The following NOX3 variants were observed in gnomAD, a reference collection of about 807,000 sequenced individuals.
NOX3 encodes the protein NADPH oxidase catalytic subunit-like 3.
NOX3 carries 74 observed loss-of-function variants against 76.7 expected under a neutral mutation model. The observed-to-expected ratio is 0.96, with a 90% confidence interval of 0.80 to 1.17. NOX3 has a LOEUF of 1.17. Among genes scored for constraint, NOX3 ranks in the 50% most tolerant of loss-of-function variants. The pLI is 0.00. For missense variants in NOX3, 695 were observed against 703.3 expected (o/e 0.99, Z 0.13); for synonymous variants, 263 against 261.1 (o/e 1.01, Z -0.07).
intron 8 of NOX3, among the ~76,000 whole-genome samples, chr6:155,430,369 C>T (rs989421874): frequency 6.6e-6 from 1 of 151,950 alleles, no homozygotes; most frequent in East Asian, 1.9e-4. Flanking sequence ...CATTTTTCTT[C>T]CCCACAGTGG....
chr6:155,411,548 T>C (rs1195314890), intron 10 of NOX3, among the ~76,000 whole-genome samples, 188 bp from the exon 11 acceptor site: 1 of 152,194 alleles, frequency 6.6e-6, no homozygotes, highest in African/African-American at 2.4e-5. Context: ...ATTCACAATG[T>C]GTTTGAAAAA....
chr6:155,427,001 G>GTGTGTGTGTA (rs1562465145), intron 9 of NOX3, among the ~76,000 whole-genome samples: 1 of 139,520 alleles, frequency 7.2e-6, no homozygotes, highest in African/African-American at 2.7e-5. Context: ...GTGTGTGTGT[G>GTGTGTGTGTA]TGTGTGTGTG....
At chr6:155,415,888 G>A (rs956431995) in intron 10 of NOX3, among the ~76,000 whole-genome samples, 1 of 152,194 alleles carries the variant, frequency 6.6e-6, no homozygotes, top group East Asian at 1.9e-4. Context: ...AGAGAATGAA[G>A]AATGAAGACA....
At chr6:155,445,970 AT>A (rs1313598283) in intron 4 of NOX3, among the ~76,000 whole-genome samples, 5 of 91,030 alleles carry the variant, frequency 5.5e-5, no homozygotes, top group Admixed American at 1.2e-4. Context: ...TATATATATA[AT>A]ATATATATGC....
intron 4 of NOX3, among the ~76,000 whole-genome samples, chr6:155,449,809 G>C (rs894238653): frequency 1.3e-5 from 2 of 152,188 alleles, no homozygotes; most frequent in East Asian, 1.9e-4. Flanking sequence ...AAGCCAGCAG[G>C]CTATTTGAAA....
chr6:155,403,220 A>G (rs544826684), intron 12 of NOX3, among the ~76,000 whole-genome samples: 1 of 152,362 alleles, frequency 6.6e-6, no homozygotes, highest in East Asian at 1.9e-4. Context: ...GCTTCATTAA[A>G]CATAAATCTC....
chr6:155,410,596 G>T (rs1160574470), intron 11 of NOX3, among the ~76,000 whole-genome samples: 1 of 151,858 alleles, frequency 6.6e-6, no homozygotes, highest in Non-Finnish European at 1.5e-5. Context: ...CATTATTTTT[G>T]GTAAATTCAA....
intron 12 of NOX3, among the ~76,000 whole-genome samples, chr6:155,403,552 A>G (rs536324007): frequency 6.6e-6 from 1 of 152,370 alleles, no homozygotes; most frequent in Non-Finnish European, 1.5e-5. Flanking sequence ...AGATGAAGTC[A>G]TCCATCAAGG....
At chr6:155,428,122 A>T (rs1429545128) in intron 9 of NOX3, among the ~76,000 whole-genome samples, 1 of 152,282 alleles carries the variant, frequency 6.6e-6, no homozygotes, top group East Asian at 1.9e-4. Context: ...GCTGGCCTCA[A>T]ACTCCTGACC....
chr6:155,428,768 T>C, intron 9 of NOX3, 26 bp downstream of exon 9: 1 of 1,464,898 alleles, frequency 6.8e-7, no homozygotes, highest in Non-Finnish European at 9.1e-7. Context: ...TACTGCAATT[T>C]ATACATGAGA....
chr6:155,443,208 T>A (rs765556010), intron 5 of NOX3, 65 bp downstream of exon 5: 7 of 1,490,928 alleles, frequency 4.7e-6, no homozygotes, highest in Non-Finnish European at 6.4e-6. Flanking sequence ...ATAGCGTTCC[T>A]GATTAGAGGA....
chr6:155,434,461 G>A (rs1456202922), intron 7 of NOX3, among the ~76,000 whole-genome samples: 1 of 152,224 alleles, frequency 6.6e-6, no homozygotes, highest in African/African-American at 2.4e-5. Context: ...AAGATGAACA[G>A]AGTAAGGGAA....
intron 7 of NOX3, among the ~76,000 whole-genome samples, chr6:155,433,119 T>C (rs1776855828): frequency 6.6e-6 from 1 of 152,226 alleles, no homozygotes; most frequent in Non-Finnish European, 1.5e-5. Flanking sequence ...TCAGACACGA[T>C]CTCTGATATT....
intron 4 of NOX3, among the ~76,000 whole-genome samples, chr6:155,446,038 A>G (rs1428413233): frequency 6.7e-6 from 1 of 148,672 alleles, no homozygotes; most frequent in Non-Finnish European, 1.5e-5. Context: ...CTTTAAGTTG[A>G]AAATCAAGTC....
At chr6:155,424,831 C>G (rs1200935314) in intron 9 of NOX3, among the ~76,000 whole-genome samples, 3 of 152,080 alleles carry the variant, frequency 2.0e-5, no homozygotes, top group Admixed American at 2.0e-4. Context: ...TCTTACTGTT[C>G]ATTTTTAAAA....
At chr6:155,453,521 GA>G in intron 3 of NOX3, 33 bp from the exon 4 acceptor site, 1 of 1,498,964 alleles carries the variant, frequency 6.7e-7, no homozygotes, top group Non-Finnish European at 9.3e-7. Flanking sequence ...CTGATTTATG[GA>G]AAAATTGCAG....
intron 12 of NOX3, among the ~76,000 whole-genome samples, chr6:155,399,662 A>G (rs1022421677): frequency 1.1e-4 from 16 of 151,932 alleles, no homozygotes; most frequent in African/African-American, 3.9e-4. Context: ...CTTGTCACAA[A>G]TGCATACTGT....
chr6:155,455,103 A>G lies in NOX3; in HGVS notation c.75T>C (p.Tyr25=), dbSNP rs771160760. The change falls in exon 2 of 14, where the codon TAT becomes TAC. Residue 25 remains tyrosine, a synonymous_variant. Coordinates refer to ENST00000159060, the MANE Select transcript of NOX3 (RefSeq NM_015718.3). ...ACCAGTAGAACGTGTCAATAAACAG[A>G]TAAAAATTTATTCCCAGCCATGAGA... The part of the protein sequence containing the change: ...LVLSWLGINF[Y]LFIDTFYWYE... 1 of 1,612,378 alleles carries G rather than the reference A, an allele frequency of 6.2e-7. No individual in the cohort carries two copies. The highest frequency in any genetic ancestry group is 1.7e-5 in the Admixed American group (1 of 59,898).
rs965219558 is a variant in NOX3, at chr6:155,428,394, CAT to C, written c.1145+398_1145+399del. Among the ~76,000 whole-genome samples, 12 of 152,202 alleles carry C rather than the reference CAT, an allele frequency of 7.9e-5. 1 individual carries two copies. Among genetic ancestry groups the C allele is most frequent in the Admixed American group, 3.9e-4 (6 of 15,288 alleles). Reference sequence around the variant, plus strand: ...TCTTTATAAGAAGAGGACACAGAAACATAGCATCCTTGTTATGAAGACCTGAC... The same window carrying C: ...TCTTTATAAGAAGAGGACACAGAAACAGCATCCTTGTTATGAAGACCTGAC... On this transcript the variant is annotated intron_variant, in intron 9 of 13. Transcript: ENST00000159060.
Sources: gnomAD v4.1 joint callset for allele counts (sites outside exome capture counted in the v4.1 genomes callset) on GRCh38, gnomAD v4.1.1 for gene constraint, MANE v1.5 for transcripts, NCBI Gene and HGNC (gene_info 2026-07-23, HGNC 2026-07-21) for gene names.